The following PIWIL1 variants were observed in gnomAD, a reference collection of about 807,000 sequenced individuals.
PIWIL1 encodes the protein piwi like RNA-mediated gene silencing 1.
A neutral mutation model predicts 114.4 loss-of-function variants in PIWIL1; 73 were observed. That is an observed-to-expected ratio of 0.64 (90% CI 0.53 to 0.78). The LOEUF (loss-of-function observed/expected upper bound fraction) is 0.78. Among genes scored for constraint, PIWIL1 ranks in the 30% least tolerant of loss-of-function variants. The pLI is 0.00. For missense variants in PIWIL1, 723 were observed against 1,063.1 expected (o/e 0.68, Z 4.45); for synonymous variants, 375 against 369.0 (o/e 1.02, Z -0.19).
chr12:130,348,618 A>C lies in PIWIL1; in HGVS notation c.734+435A>C, dbSNP rs540006188. On this transcript the variant is annotated intron_variant, in intron 7 of 20. Transcript: ENST00000245255. ...GAATCTAAAGTTGAAATAAGAAATA[A>C]AAGGCCGGGCGTGGTGGCTCATGCC... Among the ~76,000 whole-genome samples, 363 of 152,238 alleles carry C rather than the reference A, an allele frequency of 2.4e-3. 2 individuals carry two copies. Among genetic ancestry groups the C allele is most frequent in the African/African-American group, 8.3e-3 (345 of 41,546 alleles).
chr12:130,340,638 A>AGGGGGGG (rs1252877689), intron 1 of PIWIL1, among the ~76,000 whole-genome samples: 1 of 3,156 alleles, frequency 3.2e-4, no homozygotes, highest in Non-Finnish European at 6.9e-4. Context: ...TGGTTGGGGG[A>AGGGGGGG]GGGGGGGTGG....
Position 130,361,185 on chromosome 12 carries a change from C to G in PIWIL1, c.1671C>G (p.Val557=). 3 of 1,614,046 alleles carry G rather than the reference C, an allele frequency of 1.9e-6. No homozygotes were observed. Among genetic ancestry groups the G allele is most frequent in the Non-Finnish European group, 2.5e-6 (3 of 1,179,992 alleles). The change falls in exon 15 of 21, where the codon GTC becomes GTG. Residue 557 remains valine, a synonymous_variant. Coordinates refer to ENST00000245255, the MANE Select transcript of PIWIL1 (RefSeq NM_004764.5). ...QKVTADTQIV[V]CLLSSNRKDK... ...CAAGGGCACTTTGTTTTCAGGTTGT[C>G]TGTCTGTTGTCAAGTAATCGGAAGG...
At chr12:130,346,638 A>G in intron 5 of PIWIL1, 54 bp downstream of exon 5, 1 of 1,400,570 alleles carries the variant, frequency 7.1e-7, no homozygotes, top group Non-Finnish European at 1.0e-6. Context: ...GAACTACCAC[A>G]ATGTAAGATA....
At chr12:130,346,001 A>C (rs199603584) in intron 4 of PIWIL1, 123 bp downstream of exon 4, 36 of 708,616 alleles carry the variant, frequency 5.1e-5, no homozygotes, top group Non-Finnish European at 6.8e-5. Context: ...GATTTTCCTC[A>C]CTTTCTTTTG....
chr12:130,384,841 A>G, the PIWIL1 span, among the ~76,000 whole-genome samples: 1 of 152,240 alleles, frequency 6.6e-6, no homozygotes, highest in Middle Eastern at 3.2e-3. Flanking sequence ...AAAAATAAAA[A>G]GATGACTTTT....
the PIWIL1 span, among the ~76,000 whole-genome samples, chr12:130,400,747 T>A: frequency 6.6e-6 from 1 of 152,092 alleles, no homozygotes; most frequent in Non-Finnish European, 1.5e-5. Context: ...GGGGTTAATA[T>A]CCAGAACATA....
At chr12:130,404,364 C>T in the PIWIL1 span, among the ~76,000 whole-genome samples, 1 of 152,168 alleles carries the variant, frequency 6.6e-6, no homozygotes, top group Non-Finnish European at 1.5e-5. Context: ...ATGGCATGAT[C>T]TCAGCTCACC....
intron 16 of PIWIL1, 25 bp downstream of exon 16, chr12:130,361,626 GT>G (rs2073511338): frequency 1.9e-6 from 3 of 1,570,784 alleles, no homozygotes; most frequent in Non-Finnish European, 2.6e-6. Flanking sequence ...GCTACTGTGG[GT>G]GGCAGTGAGG....
At chr12:130,363,244 T>A in intron 18 of PIWIL1, 100 bp downstream of exon 18, 1 of 1,227,956 alleles carries the variant, frequency 8.1e-7, no homozygotes, top group Non-Finnish European at 1.2e-6. Context: ...AGAACCTAAC[T>A]TGATAGGGAC....
the PIWIL1 span, among the ~76,000 whole-genome samples, chr12:130,378,533 T>C: frequency 1.3e-5 from 2 of 152,202 alleles, no homozygotes; most frequent in East Asian, 3.8e-4. Flanking sequence ...TGCAACTTCA[T>C]GAAAAGCTAA....
the PIWIL1 span, among the ~76,000 whole-genome samples, chr12:130,382,745 C>T: frequency 4.6e-5 from 7 of 152,174 alleles, no homozygotes; most frequent in Non-Finnish European, 7.3e-5. Flanking sequence ...TCATTTCCCC[C>T]CACCCCAAGG....
the PIWIL1 span, among the ~76,000 whole-genome samples, chr12:130,408,485 C>G: frequency 0.034 from 5,207 of 152,296 alleles, 325 homozygotes; most frequent in African/African-American, 0.12. Context: ...CGGCCTGGCT[C>G]TGTCTCTGCC....
intron 1 of PIWIL1, chr12:130,339,331 G>A (rs756586806): frequency 6.6e-6 from 1 of 152,256 alleles, no homozygotes; most frequent in African/African-American, 2.4e-5. Flanking sequence ...GGCAAAGCCG[G>A]CTGCACCCCT....
chr12:130,388,576 C>T, the PIWIL1 span, among the ~76,000 whole-genome samples: 1 of 152,054 alleles, frequency 6.6e-6, no homozygotes, highest in Non-Finnish European at 1.5e-5. Flanking sequence ...TAGGTTTTAC[C>T]ATCCTCCAAA....
the PIWIL1 span, among the ~76,000 whole-genome samples, chr12:130,382,882 C>A: frequency 1.3e-5 from 2 of 152,060 alleles, no homozygotes; most frequent in Non-Finnish European, 2.9e-5. Flanking sequence ...TTTTTAAAAC[C>A]AATTTTAGTA....
the PIWIL1 span, chr12:130,407,860 A>C: frequency 6.3e-7 from 1 of 1,584,102 alleles, no homozygotes; most frequent in Non-Finnish European, 8.7e-7. Flanking sequence ...AAAGAAATCC[A>C]TCATGAGGTT....
intron 14 of PIWIL1, among the ~76,000 whole-genome samples, chr12:130,358,689 T>G (rs958472672): frequency 5.3e-5 from 8 of 152,162 alleles, no homozygotes; most frequent in African/African-American, 1.9e-4. Flanking sequence ...ATTACCCCCC[T>G]TTTCTCAAGC....
the PIWIL1 span, among the ~76,000 whole-genome samples, chr12:130,391,486 C>T: frequency 2.0e-5 from 3 of 152,198 alleles, no homozygotes; most frequent in South Asian, 2.1e-4. Context: ...TTTCCTCCCC[C>T]GTCCCTTTTC....
chr12:130,410,445 T>C, the PIWIL1 span, among the ~76,000 whole-genome samples: 3 of 152,200 alleles, frequency 2.0e-5, no homozygotes, highest in African/African-American at 7.2e-5. Flanking sequence ...CGTTGCCTGA[T>C]TATTATAAAG....
Sources: allele counts gnomAD v4.1 joint callset (sites outside exome capture counted in the v4.1 genomes callset), GRCh38; gene constraint gnomAD v4.1.1; transcripts MANE v1.5; gene names NCBI Gene and HGNC (gene_info 2026-07-23, HGNC 2026-07-21).